Variants in BCAT1 observed in about 807,000 individuals in gnomAD.
BCAT1 encodes branched-chain-amino-acid aminotransferase, cytosolic.
A neutral mutation model predicts 52.4 loss-of-function variants in BCAT1; 48 were observed. The observed-to-expected ratio is 0.92, with a 90% CI of 0.73 to 1.16. The LOEUF (loss-of-function observed/expected upper bound fraction) is 1.16, where lower values mean the gene tolerates loss of function less well. Ranked by LOEUF, BCAT1 falls within the 50% of genes most tolerant of loss-of-function variation. The pLI is 0.00. For synonymous variants in BCAT1, 167 were observed against 161.3 expected, an observed-to-expected ratio of 1.04 and a Z score of -0.27; for missense variants, 451 against 457.1, an observed-to-expected ratio of 0.99 and a Z score of 0.12.
At chr12:24,844,626 C>A (rs1941278989) in intron 6 of BCAT1, among the ~76,000 whole-genome samples, 1 of 151,706 alleles carries the variant, frequency 6.6e-6, no homozygotes, top group African/African-American at 2.4e-5. Context: ...GGGCCAGGCG[C>A]GGTGGCTCAC....
chr12:24,850,892 T>A (rs371166581), intron 5 of BCAT1, among the ~76,000 whole-genome samples: 3 of 152,294 alleles, frequency 2.0e-5, no homozygotes, highest in South Asian at 4.1e-4. Flanking sequence ...TCAGCTGAAG[T>A]TTTTTTATTT....
intron 10 of BCAT1, among the ~76,000 whole-genome samples, chr12:24,820,837 A>G (rs1057136386): frequency 1.3e-5 from 2 of 152,150 alleles, no homozygotes; most frequent in Admixed American, 1.3e-4. Flanking sequence ...GCTTTGCTAA[A>G]TGCCTTTAAA....
rs1283679676 is a variant in BCAT1 at position 24,878,546 on chromosome 12, G to A, written c.494C>T (p.Thr165Ile). Reference protein sequence around the residue: ...STSASLYIRPTFIGTEPSLGV... With the variant: ...STSASLYIRPIFIGTEPSLGV... ...AGTTTGCACCTCAGTTCCAATGAAT[G>A]TAGGACGAATATACAGACTAGCAGA... The change falls in exon 5 of 11, where the codon ACA (threonine) becomes ATA (isoleucine). Residue 165 changes from threonine (T) to isoleucine (I), a missense_variant. By Grantham distance (89) the Thr-to-Ile change is moderately conservative. Transcript: ENST00000261192. 4 of 1,610,728 alleles carry A rather than the reference G, an allele frequency of 2.5e-6. No homozygotes were observed. In the South Asian group the frequency reaches 4.4e-5, roughly 18 times the overall value.
intron 5 of BCAT1, among the ~76,000 whole-genome samples, chr12:24,858,426 T>G (rs1162647602): frequency 6.6e-6 from 1 of 152,214 alleles, no homozygotes; most frequent in African/African-American, 2.4e-5. Flanking sequence ...AATTTAGACA[T>G]CTGGTCTAAA....
At chr12:24,876,613 A>G (rs548043766) in intron 5 of BCAT1, among the ~76,000 whole-genome samples, 6 of 152,220 alleles carry the variant, frequency 3.9e-5, no homozygotes, top group Admixed American at 1.3e-4. Flanking sequence ...GTATCTCAGA[A>G]TAACTGGAAG....
At chr12:24,912,876 A>T (rs1943353030) in intron 1 of BCAT1, among the ~76,000 whole-genome samples, 1 of 152,220 alleles carries the variant, frequency 6.6e-6, no homozygotes, top group Non-Finnish European at 1.5e-5. Flanking sequence ...AGGTTGCTCA[A>T]AATCATTGAC....
rs60491814 is a variant in BCAT1, at chr12:24,917,195, C to CTTTT, written c.7-15314_7-15311dup. 5.7e-3 allele frequency among the ~76,000 whole-genome samples: 593 copies of CTTTT among 103,508 alleles called. 3 individuals carry two copies. The highest frequency in any genetic ancestry group is 0.018 in the East Asian group (58 of 3,256). 67.9% of individuals were successfully genotyped at this position (103,508 alleles called of 152,430 possible). On this transcript the variant is annotated intron_variant, in intron 1 of 10. Coordinates refer to ENST00000261192, the MANE Select transcript of BCAT1 (RefSeq NM_005504.7). ...ATCAGTTTTTCATTAGAGCTTTGGA[C>CTTTT]TTTTTTTTTTTTTTTTTTTTTTTTT...
chr12:24,822,353 T>C (rs1005378326), intron 10 of BCAT1, among the ~76,000 whole-genome samples: 2 of 152,202 alleles, frequency 1.3e-5, no homozygotes, highest in Admixed American at 6.5e-5. Context: ...TCTGTGGTTA[T>C]GAGGGAATTT....
At chr12:24,850,925 G>A (rs924052218) in intron 5 of BCAT1, among the ~76,000 whole-genome samples, 4 of 152,082 alleles carry the variant, frequency 2.6e-5, no homozygotes, top group East Asian at 1.9e-4. Context: ...AAAAAAACAG[G>A]GAATGAATGA....
At chr12:24,851,886 A>T (rs1382496387) in intron 5 of BCAT1, among the ~76,000 whole-genome samples, 3 of 152,120 alleles carry the variant, frequency 2.0e-5, no homozygotes, top group African/African-American at 7.2e-5. Context: ...CCTTCATTTC[A>T]TGGGTGCCTT....
At chr12:24,831,368 G>T (rs902254019) in intron 9 of BCAT1, among the ~76,000 whole-genome samples, 6 of 152,148 alleles carry the variant, frequency 3.9e-5, no homozygotes, top group African/African-American at 1.2e-4. Context: ...TTATATGTGG[G>T]CCGGGCATGG....
At chr12:24,836,946 GAAAGAAAGAAAAGAGAAAGAAAGAA>G in intron 7 of BCAT1, among the ~76,000 whole-genome samples, 1 of 99,388 alleles carries the variant, frequency 1.0e-5, no homozygotes, top group African/African-American at 3.3e-5. Flanking sequence ...AAGAAAGAAA[GAAAGAAAGAAAAGAGAAAGAAAGAA>G]AGAGAGAGAG....
chr12:24,839,890 T>G (rs566892910), intron 7 of BCAT1, among the ~76,000 whole-genome samples: 2 of 152,248 alleles, frequency 1.3e-5, no homozygotes, highest in Non-Finnish European at 2.9e-5. Flanking sequence ...TGTCTTTTTT[T>G]TTAGCCCAAA....
At chr12:24,826,760 A>G (rs141524384) in intron 10 of BCAT1, among the ~76,000 whole-genome samples, 260 of 152,250 alleles carry the variant, frequency 1.7e-3, no homozygotes, top group Non-Finnish European at 2.7e-3. Flanking sequence ...AATTCTTCCA[A>G]TCCATGAATA....
At chr12:24,836,725 T>A in intron 7 of BCAT1, 129 bp from the exon 8 acceptor site, 1 of 718,524 alleles carries the variant, frequency 1.4e-6, no homozygotes, top group South Asian at 1.8e-5. Flanking sequence ...TTTACTGTTC[T>A]GCATGATCAA....
In BCAT1 at chr12:24,832,765, G is replaced by C; in HGVS notation, c.1002C>G (p.Ala334=). 1.2e-6 allele frequency: 2 copies of C among 1,611,270 alleles called. No homozygotes were observed. The highest frequency in any genetic ancestry group is 2.2e-5 in the South Asian group (2 of 90,296). ...TATCAGAAACTGGGCAAACAACACA[G>C]GCTGTACCAGAGCCAAACATCTCTC... ...RVREMFGSGT[A]CVVCPVSDIL... The change falls in exon 9 of 11, where the codon GCC becomes GCG. Residue 334 remains alanine, a synonymous_variant. Transcript: ENST00000261192.
At position 24,901,990 on chromosome 12, in the gene BCAT1, C is replaced by T. The variant is rs561585434; in HGVS notation, c.7-105G>A. ...TGATACCGTGCGCTCCTCTCCAGGA[C>T]CCAGGCAAACACAAAAAAGGAGGCT... On this transcript the variant is annotated intron_variant, in intron 1 of 10. Transcript: ENST00000261192. 15 of 1,602,544 alleles carry T rather than the reference C, an allele frequency of 9.4e-6. No homozygotes were observed. In the African/African-American group the frequency reaches 1.7e-4, roughly 19 times the overall value.
At chr12:24,850,704 T>C (rs1941482315) in intron 5 of BCAT1, among the ~76,000 whole-genome samples, 1 of 152,210 alleles carries the variant, frequency 6.6e-6, no homozygotes, top group Non-Finnish European at 1.5e-5. Flanking sequence ...CGCTGAGTTA[T>C]AACCAATTCA....
intron 2 of BCAT1, among the ~76,000 whole-genome samples, chr12:24,896,008 C>CATT (rs920017622): frequency 6.6e-6 from 1 of 151,816 alleles, no homozygotes; most frequent in Non-Finnish European, 1.5e-5. Context: ...TTTGTTCTAC[C>CATT]ATTATTATTA....
Sources: gnomAD v4.1 joint callset for allele counts (sites outside exome capture counted in the v4.1 genomes callset) on GRCh38, gnomAD v4.1.1 for gene constraint, MANE v1.5 for transcripts, NCBI Gene and HGNC (gene_info 2026-07-23, HGNC 2026-07-21) for gene names.